CWC15: variants seen among roughly 807,000 people sequenced by gnomAD.
The protein encoded by CWC15 is spliceosome-associated protein CWC15 homolog.
CWC15 carries 12 observed loss-of-function variants against 28.4 expected under a neutral mutation model. The ratio of observed to expected loss-of-function variants is 0.42; its 90% CI spans 0.27 to 0.69. The LOEUF is 0.69. Ranked by LOEUF, CWC15 falls within the 30% of genes least tolerant of loss-of-function variation. The probability of loss-of-function intolerance (pLI) is 0.23; values close to 1 mark genes in which losing one functional copy is unlikely to be tolerated. For missense variants in CWC15, 192 were observed against 271.5 expected (o/e 0.71, Z 2.06); for synonymous variants, 92 against 88.4 (o/e 1.04, Z -0.23).
In CWC15 at chr11:94,963,102, T is replaced by C. The variant is rs1239077098; in HGVS notation, c.*283A>G. On this transcript the variant is annotated 3_prime_UTR_variant, in exon 7 of 7. Coordinates refer to ENST00000279839, the MANE Select transcript of CWC15 (RefSeq NM_016403.4). ...TAGCAGCATAAATTCCAACAAAAAG[T>C]TGGGCACCCAGATTTGGTTATTTAG... The C allele has an allele frequency of 4.5e-6, 1 of 222,446 alleles. No individual in the cohort carries two copies. The highest frequency in any genetic ancestry group is 2.3e-5 in the African/African-American group (1 of 44,060). The allele number at this position is 222,446 out of a possible 1,614,324, so 13.8% of individuals were successfully genotyped here.
intron 3 of CWC15, 73 bp downstream of exon 3, chr11:94,971,302 T>C: frequency 8.0e-7 from 1 of 1,247,614 alleles, no homozygotes; most frequent in Admixed American, 2.0e-5. Flanking sequence ...GTTAACATTT[T>C]CCAATTGCTA....
chr11:94,965,318 A>C lies in CWC15; in HGVS notation c.560+977T>G, dbSNP rs140345078. 1.3e-4 allele frequency among the ~76,000 whole-genome samples: 20 copies of C among 152,358 alleles called. No homozygotes were observed. The East Asian group carries it at 3.7e-3, about 28-fold the overall frequency. ...GACGAATGCATATAAAATAACAACCAATCTTCCTCCCTCAGCATTTCCTGT... is the reference window on the plus strand; with the variant it reads ...GACGAATGCATATAAAATAACAACCCATCTTCCTCCCTCAGCATTTCCTGT... On this transcript the variant is annotated intron_variant, in intron 6 of 6. Coordinates refer to ENST00000279839, the MANE Select transcript of CWC15 (RefSeq NM_016403.4).
intron 6 of CWC15, 109 bp from the exon 7 acceptor site, chr11:94,963,623 T>C (rs1857597952): frequency 3.8e-6 from 3 of 787,816 alleles, no homozygotes; most frequent in Non-Finnish European, 5.5e-6. Context: ...GCTCAACATG[T>C]GTATCATCTG....
At position 94,966,386 on chromosome 11, in the gene CWC15, T is replaced by G; in HGVS notation, c.469A>C (p.Arg157=). ...KEQEQKAEEE[R]IRMENILSGN... ...CTCAGAATGTTTTCCATACGAATCC[T>G]CTCTTCTTCAGCTTTTTGTTCTTGT... The change falls in exon 6 of 7, where the codon AGG becomes CGG. Residue 157 remains arginine, a synonymous_variant. Coordinates refer to ENST00000279839, the MANE Select transcript of CWC15 (RefSeq NM_016403.4). The G allele has an allele frequency of 2.6e-6, 4 of 1,553,924 alleles. No homozygotes were observed. Among genetic ancestry groups the G allele is most frequent in the Non-Finnish European group, 3.5e-6 (4 of 1,147,832 alleles).
At chr11:94,966,226 TACACACACACACACACAC>T (rs58215154) in intron 6 of CWC15, 51 bp downstream of exon 6, 70 of 670,720 alleles carry the variant, frequency 1.0e-4, no homozygotes, top group African/African-American at 1.0e-3. Flanking sequence ...CATACACATA[TACACACACACACACACAC>T]ACACACACAC....
chr11:94,969,968 T>C (rs180957914), intron 5 of CWC15, 21 bp downstream of exon 5: 21 of 1,469,572 alleles, frequency 1.4e-5, no homozygotes, highest in Middle Eastern at 3.6e-4. Context: ...TAGATGTAAA[T>C]ATTTAATACT....
intron 6 of CWC15, 41 bp downstream of exon 6, chr11:94,966,254 C>CACACAT (rs1167250190): frequency 2.8e-6 from 3 of 1,063,638 alleles, no homozygotes; most frequent in Non-Finnish European, 4.3e-6. Flanking sequence ...CACACACACA[C>CACACAT]ACACACACAC....
At chr11:94,966,545 C>CTT (rs34432027) in intron 5 of CWC15, 132 bp from the exon 6 acceptor site, 780 of 237,698 alleles carry the variant, frequency 3.3e-3, no homozygotes, top group Middle Eastern at 5.2e-3. Flanking sequence ...TCAAGGCAGG[C>CTT]TTTTTTTTTT....
Position 94,963,473 on chromosome 11 carries a change from A to T in CWC15, c.602T>A (p.Val201Glu). Residue 201 changes from valine to glutamate, a missense_variant, in exon 7 of 7, where the codon GTA (valine) becomes GAA (glutamate). By Grantham distance (121) the Val-to-Glu change is moderately radical. Around this residue, in one of 2 missense-constraint regions of CWC15, gnomAD observed 188 missense variants for 250.3 expected, o/e 0.75. Transcript: ENST00000279839. Reference sequence around the variant, plus strand: ...TCTTTTGTCTTTCTTCTGGTCATCTACACCTTTTGCACAGTTCTTGAAGAC... The same window carrying T: ...TCTTTTGTCTTTCTTCTGGTCATCTTCACCTTTTGCACAGTTCTTGAAGAC... ...DVVFKNCAKG[V>E]DDQKKDKRFV... 2 of 1,582,116 alleles carry T rather than the reference A, an allele frequency of 1.3e-6. No homozygotes were observed.
intron 6 of CWC15, among the ~76,000 whole-genome samples, chr11:94,964,274 TGTG>T (rs1857610031): frequency 6.6e-6 from 1 of 151,068 alleles, no homozygotes. Flanking sequence ...CAAGCCCATA[TGTG>T]TGTGTTTATG....
At chr11:94,971,105 T>C (rs1555096146) in intron 3 of CWC15, 40 bp from the exon 4 acceptor site, 2 of 1,528,482 alleles carry the variant, frequency 1.3e-6, no homozygotes, top group Admixed American at 1.7e-5. Context: ...GTAAAACAAA[T>C]ACTTCATTTC....
At position 94,972,126 on chromosome 11, in the gene CWC15, T is replaced by C; in HGVS notation, c.60A>G (p.Glu20=). ...GCTTTGAAAGTTGGCTCAAATCACCTTCTCCTTTTCCCCTTCCACCTCTGG... is the reference window on the plus strand; with the variant it reads ...GCTTTGAAAGTTGGCTCAAATCACCCTCTCCTTTTCCCCTTCCACCTCTGG... ...EPARGGRGKG[E]GDLSQLSKQY... The change falls in exon 2 of 7, where the codon GAA becomes GAG. Residue 20 remains glutamate (E), a synonymous_variant. Transcript: ENST00000279839. 1.2e-6 allele frequency: 2 copies of C among 1,613,898 alleles called. No homozygotes were observed. Among genetic ancestry groups the C allele is most frequent in the Non-Finnish European group, 1.7e-6 (2 of 1,179,834 alleles).
chr11:94,964,624 CATT>C (rs1484748814), intron 6 of CWC15, among the ~76,000 whole-genome samples: 5 of 152,212 alleles, frequency 3.3e-5, no homozygotes, highest in Non-Finnish European at 7.3e-5. Context: ...TCTTTCCTGA[CATT>C]AGTATTTGTC....
At chr11:94,971,575 G>GA (rs1372034207) in intron 2 of CWC15, 88 bp from the exon 3 acceptor site, 2 of 751,590 alleles carry the variant, frequency 2.7e-6, no homozygotes, top group African/African-American at 3.5e-5. Context: ...GACAATTCAG[G>GA]AATGAGACTT....
chr11:94,966,472 T>A, intron 5 of CWC15, 59 bp from the exon 6 acceptor site: 1 of 1,114,738 alleles, frequency 9.0e-7, no homozygotes, highest in Non-Finnish European at 1.3e-6. Flanking sequence ...TCAATTTTTT[T>A]TATATTAGCT....
chr11:94,971,935 C>A (rs782225293), intron 2 of CWC15, 120 bp downstream of exon 2: 4 of 925,172 alleles, frequency 4.3e-6, no homozygotes, highest in South Asian at 1.8e-5. Context: ...CATCCTATTG[C>A]ATTCTATTCC....
intron 5 of CWC15, among the ~76,000 whole-genome samples, chr11:94,967,746 G>A (rs1006775946): frequency 5.9e-5 from 9 of 152,156 alleles, no homozygotes; most frequent in African/African-American, 2.2e-4. Context: ...AACTTGTAAG[G>A]AAATAGGAAA....
At chr11:94,963,768 A>T (rs1857599898) in intron 6 of CWC15, among the ~76,000 whole-genome samples, 1 of 152,248 alleles carries the variant, frequency 6.6e-6, no homozygotes, top group African/African-American at 2.4e-5. Flanking sequence ...CTTTTGAGTT[A>T]AAAAATAGAA....
intron 6 of CWC15, 28 bp downstream of exon 6, chr11:94,966,267 A>ACT (rs781947393): frequency 2.8e-6 from 3 of 1,060,544 alleles, no homozygotes; most frequent in African/African-American, 1.7e-5. Context: ...ACACACACAC[A>ACT]CTCCATTACT....
Sources: gnomAD v4.1 joint callset for allele counts (sites outside exome capture counted in the v4.1 genomes callset) on GRCh38, gnomAD v4.1.1 for gene constraint, gnomAD v4.1.1 regional missense constraint, MANE v1.5 for transcripts, NCBI Gene and HGNC (gene_info 2026-07-23, HGNC 2026-07-21) for gene names.